The following CRADD variants were observed in gnomAD, a reference collection of about 807,000 sequenced individuals.
CRADD encodes death domain-containing protein CRADD.
Under a neutral mutation model 15.5 loss-of-function variants are expected in CRADD, and 9 were observed. That is an observed-to-expected ratio of 0.58 (90% CI 0.35 to 1.01). CRADD has a LOEUF of 1.01. Ranked by LOEUF, CRADD falls within the 50% of genes least tolerant of loss-of-function variation. CRADD has a pLI of 0.02. For missense variants in CRADD, 227 were observed against 250.3 expected, an observed-to-expected ratio of 0.91 and a Z score of 0.63; for synonymous variants, 118 against 107.6, an observed-to-expected ratio of 1.10 and a Z score of -0.60.
At chr12:93,871,217 TCTA>T (rs1212495761) in intron 2 of CRADD, among the ~76,000 whole-genome samples, 3 of 152,220 alleles carry the variant, frequency 2.0e-5, no homozygotes, top group African/African-American at 7.2e-5. Context: ...TGGGTGTTTC[TCTA>T]CTAATGACTC....
chr12:93,877,737 C>T (rs1315963927), intron 2 of CRADD, among the ~76,000 whole-genome samples: 3 of 152,128 alleles, frequency 2.0e-5, no homozygotes, highest in Non-Finnish European at 2.9e-5. Flanking sequence ...GGGATTCACT[C>T]TTTAGGGCCA....
intron 2 of CRADD, among the ~76,000 whole-genome samples, chr12:93,840,749 G>A (rs12368585): frequency 0.17 from 26,015 of 151,738 alleles, 2,727 homozygotes; most frequent in Non-Finnish European, 0.24. Flanking sequence ...TAATTTTAGT[G>A]GAGACGGGGG....
In CRADD at chr12:93,869,419, C is replaced by T. The variant is rs553238569; in HGVS notation, c.299-24631C>T. On this transcript the variant is annotated intron_variant, in intron 2 of 2. Transcript: ENST00000548483. ...TATGACAATAATAAAAAGAGAGAAA[C>T]TCCAGAAAATAAAAGGATACCCACA... Among the ~76,000 whole-genome samples, 7 of 152,130 alleles carry T rather than the reference C, an allele frequency of 4.6e-5. No homozygotes were observed. The South Asian group carries it at 1.5e-3, about 32-fold the overall frequency.
chr12:93,717,999 T>C (rs1236215187), intron 2 of CRADD, among the ~76,000 whole-genome samples: 1 of 152,214 alleles, frequency 6.6e-6, no homozygotes, highest in Non-Finnish European at 1.5e-5. Context: ...TTATGTGAGT[T>C]TAGTTTTGGG....
At chr12:93,872,521 T>C (rs1958429868) in intron 2 of CRADD, among the ~76,000 whole-genome samples, 2 of 152,150 alleles carry the variant, frequency 1.3e-5, no homozygotes, top group African/African-American at 4.8e-5. Context: ...TTTCTTGTAG[T>C]AGAAAACATA....
At chr12:93,754,216 G>A (rs1459102321) in intron 2 of CRADD, among the ~76,000 whole-genome samples, 2 of 152,208 alleles carry the variant, frequency 1.3e-5, no homozygotes, top group African/African-American at 4.8e-5. Context: ...GGGACACAGG[G>A]CACCAAGTCC....
chr12:93,680,012 G>A (rs1352768319), intron 2 of CRADD, among the ~76,000 whole-genome samples: 3 of 152,182 alleles, frequency 2.0e-5, no homozygotes, highest in Admixed American at 6.5e-5. Context: ...ATAGTTTGGG[G>A]AGGGTCTCAG....
At chr12:93,851,003 A>T (rs1565939370), downstream of CRADD, among the ~76,000 whole-genome samples, 3 of 152,192 alleles carry the variant, frequency 2.0e-5, no homozygotes. Context: ...TCTTTAAAAG[A>T]TCGCTCGAGA....
chr12:93,779,392 C>T (rs1957174548), intron 2 of CRADD, among the ~76,000 whole-genome samples: 1 of 150,992 alleles, frequency 6.6e-6, no homozygotes, highest in Admixed American at 6.6e-5. Flanking sequence ...TTGGACATAA[C>T]CAAATAGTAG....
At chr12:93,838,196 ATTAG>A (rs1469964572) in intron 2 of CRADD, among the ~76,000 whole-genome samples, 1 of 145,440 alleles carries the variant, frequency 6.9e-6, no homozygotes, top group Non-Finnish European at 1.5e-5. Context: ...AGGGGTTCTA[ATTAG>A]TTTTCCTTTT....
intron 2 of CRADD, among the ~76,000 whole-genome samples, chr12:93,790,471 A>T (rs1424073272): frequency 3.6e-5 from 5 of 137,764 alleles, no homozygotes; most frequent in Admixed American, 1.5e-4. Flanking sequence ...TGATAATAAT[A>T]AAAAAAAAAG....
At chr12:93,859,654 C>T (rs1461428762) in intron 2 of CRADD, among the ~76,000 whole-genome samples, 1 of 152,138 alleles carries the variant, frequency 6.6e-6, no homozygotes, top group East Asian at 1.9e-4. Context: ...ACAGAATATT[C>T]CAGGGCTGGG....
At chr12:93,725,135 C>T (rs1202681968) in intron 2 of CRADD, among the ~76,000 whole-genome samples, 1 of 152,202 alleles carries the variant, frequency 6.6e-6, no homozygotes, top group Non-Finnish European at 1.5e-5. Context: ...GCTGGGATTA[C>T]AGGCGTGAGC....
intron 2 of CRADD, among the ~76,000 whole-genome samples, chr12:93,759,528 T>G (rs769520752): frequency 6.6e-6 from 1 of 152,190 alleles, no homozygotes; most frequent in Non-Finnish European, 1.5e-5. Flanking sequence ...GAATACTGTT[T>G]GACTATTTTG....
intron 2 of CRADD, among the ~76,000 whole-genome samples, chr12:93,856,867 T>A (rs1958279030): frequency 6.6e-6 from 1 of 152,216 alleles, no homozygotes; most frequent in Non-Finnish European, 1.5e-5. Flanking sequence ...ATATTCAAAT[T>A]AGATGTTGCT....
intron 2 of CRADD, among the ~76,000 whole-genome samples, chr12:93,732,925 A>G (rs563048805): frequency 2.0e-5 from 3 of 152,246 alleles, no homozygotes; most frequent in Non-Finnish European, 4.4e-5. Flanking sequence ...AAGAATGCAC[A>G]CTGTCTTGTC....
intron 2 of CRADD, among the ~76,000 whole-genome samples, chr12:93,760,529 G>C (rs1472618384): frequency 6.6e-6 from 1 of 152,134 alleles, no homozygotes; most frequent in Non-Finnish European, 1.5e-5. Flanking sequence ...TGAGATGTTA[G>C]AATCTTCACA....
At chr12:93,756,723 G>A (rs574964409) in intron 2 of CRADD, among the ~76,000 whole-genome samples, 1 of 152,344 alleles carries the variant, frequency 6.6e-6, no homozygotes, top group East Asian at 1.9e-4. Context: ...AATCCAAAGA[G>A]GAAATGGGTC....
chr12:93,816,383 ATTT>A (rs61294048), intron 2 of CRADD, among the ~76,000 whole-genome samples: 1 of 122,114 alleles, frequency 8.2e-6, no homozygotes, highest in Non-Finnish European at 1.6e-5. Context: ...TGCCTGGCTA[ATTT>A]TTTTTTTTTT....
Sources: allele counts gnomAD v4.1 joint callset (sites outside exome capture counted in the v4.1 genomes callset), GRCh38; gene constraint gnomAD v4.1.1; transcripts MANE v1.5; gene names NCBI Gene and HGNC (gene_info 2026-07-23, HGNC 2026-07-21).